ASH1L: variants seen among roughly 807,000 people sequenced by gnomAD.
ASH1L encodes the protein histone-lysine N-methyltransferase ASH1L.
Under a neutral mutation model 269.0 loss-of-function variants are expected in ASH1L, and 23 were observed. That is an observed-to-expected ratio of 0.09 (90% CI 0.06 to 0.12). ASH1L has a LOEUF of 0.12. Ranked by LOEUF, ASH1L falls within the 10% of genes least tolerant of loss-of-function variation. The probability of loss-of-function intolerance (pLI) is 1.00; values close to 1 mark genes in which losing one functional copy is unlikely to be tolerated. For synonymous variants in ASH1L, 1,187 were observed against 1,253.5 expected (o/e 0.95, Z 1.12); for missense variants, 2,912 against 3,567.8 (o/e 0.82, Z 4.68).
intron 1 of ASH1L, among the ~76,000 whole-genome samples, chr1:155,533,693 G>A (rs953672647): frequency 6.6e-6 from 1 of 150,834 alleles, no homozygotes; most frequent in African/African-American, 2.4e-5. Flanking sequence ...CATTCAGCCT[G>A]GATGACAGAG....
At chr1:155,504,752 G>T (rs995040799) in intron 2 of ASH1L, among the ~76,000 whole-genome samples, 4 of 151,704 alleles carry the variant, frequency 2.6e-5, no homozygotes, top group African/African-American at 9.7e-5. Context: ...TACTCGGGAG[G>T]CTGAGGCAGG....
Position 155,360,279 on chromosome 1 carries a change from C to T in ASH1L, c.6795+22G>A, listed in dbSNP as rs752872586. ...TTGTAAGGGATAAAGTTCAATCTCC[C>T]TCTAGGATTTATTATTCTTACCTGT... On this transcript the variant is annotated intron_variant, in intron 13 of 27. Coordinates refer to ENST00000392403, the MANE Select transcript of ASH1L (RefSeq NM_018489.3). 1.0e-5 allele frequency: 15 copies of T among 1,479,938 alleles called. No individual in the cohort carries two copies. The African/African-American group carries it at 1.1e-4, about 11-fold the overall frequency. 91.7% of individuals were successfully genotyped at this position (1,479,938 alleles called of 1,614,324 possible).
chr1:155,559,004 T>C (rs192630532), intron 1 of ASH1L, among the ~76,000 whole-genome samples: 100 of 151,036 alleles, frequency 6.6e-4, no homozygotes, highest in African/African-American at 2.2e-3. Context: ...ACACCATGCC[T>C]GGCTAATTTT....
At chr1:155,447,993 G>A (rs890880381) in intron 4 of ASH1L, among the ~76,000 whole-genome samples, 1 of 152,174 alleles carries the variant, frequency 6.6e-6, no homozygotes, top group African/African-American at 2.4e-5. Context: ...ATACTTTTGA[G>A]ATCTTAGATT....
intron 2 of ASH1L, among the ~76,000 whole-genome samples, chr1:155,486,495 A>G (rs1159907092): frequency 2.0e-5 from 3 of 152,142 alleles, no homozygotes; most frequent in South Asian, 4.1e-4. Context: ...GTGTGACTAT[A>G]GTCAATAATC....
chr1:155,498,415 TTTTG>T (rs1205125139), intron 2 of ASH1L, among the ~76,000 whole-genome samples: 1 of 151,998 alleles, frequency 6.6e-6, no homozygotes, highest in Non-Finnish European at 1.5e-5. Context: ...TTTTTTTGGT[TTTTG>T]TTTGTTCATT....
At chr1:155,361,214 T>C (rs1392925038) in intron 12 of ASH1L, among the ~76,000 whole-genome samples, 1 of 151,644 alleles carries the variant, frequency 6.6e-6, no homozygotes, top group Non-Finnish European at 1.5e-5. Flanking sequence ...AAACCCCGTC[T>C]CTACTAAAAA....
intron 10 of ASH1L, among the ~76,000 whole-genome samples, chr1:155,371,738 G>C (rs1370542146): frequency 2.0e-5 from 3 of 148,420 alleles, no homozygotes; most frequent in South Asian, 4.2e-4. Flanking sequence ...CTGTTGCCCA[G>C]GCTGGAGTAT....
intron 5 of ASH1L, among the ~76,000 whole-genome samples, chr1:155,428,510 A>G (rs539842862): frequency 9.2e-5 from 14 of 152,202 alleles, no homozygotes; most frequent in Admixed American, 9.2e-4. Flanking sequence ...ACTGGCCCCA[A>G]AACTGGCCAT....
At chr1:155,445,414 AC>A (rs1455412062) in intron 4 of ASH1L, among the ~76,000 whole-genome samples, 1 of 151,952 alleles carries the variant, frequency 6.6e-6, no homozygotes, top group Non-Finnish European at 1.5e-5. Flanking sequence ...CGAACTCCTG[AC>A]CTCAGGTGAT....
intron 2 of ASH1L, among the ~76,000 whole-genome samples, chr1:155,497,813 G>A (rs547315651): frequency 1.3e-5 from 2 of 151,146 alleles, no homozygotes; most frequent in South Asian, 2.1e-4. Context: ...GCCGTGGCAC[G>A]ATCTCGGCTC....
intron 1 of ASH1L, among the ~76,000 whole-genome samples, chr1:155,525,092 A>T (rs1307183538): frequency 1.3e-5 from 2 of 151,974 alleles, no homozygotes; most frequent in African/African-American, 4.8e-5. Context: ...TACAAAAAAT[A>T]AAAAATTAGC....
chr1:155,448,746 CG>C (rs1379588432), intron 4 of ASH1L, among the ~76,000 whole-genome samples: 1 of 151,898 alleles, frequency 6.6e-6, no homozygotes, highest in East Asian at 1.9e-4. Context: ...CTGCCCGCCT[CG>C]GCCTCCCAAA....
chr1:155,524,365 T>C (rs552865186), intron 1 of ASH1L, among the ~76,000 whole-genome samples: 6 of 150,754 alleles, frequency 4.0e-5, no homozygotes, highest in African/African-American at 9.7e-5. Context: ...TAAAAAAAAA[T>C]ACAAAAATTA....
chr1:155,448,796 A>G (rs1663233020), intron 4 of ASH1L, among the ~76,000 whole-genome samples: 1 of 148,992 alleles, frequency 6.7e-6, no homozygotes, highest in Admixed American at 6.7e-5. Flanking sequence ...CGCCCAGCCC[A>G]CTATCTTCTT....
chr1:155,414,237 T>C (rs564518212), intron 6 of ASH1L, among the ~76,000 whole-genome samples: 5 of 152,336 alleles, frequency 3.3e-5, no homozygotes, highest in African/African-American at 9.6e-5. Flanking sequence ...TGGAGTTATC[T>C]TAAACAAACC....
At chr1:155,402,552 C>G (rs1364011521) in intron 6 of ASH1L, among the ~76,000 whole-genome samples, 1 of 152,038 alleles carries the variant, frequency 6.6e-6, no homozygotes, top group Admixed American at 6.6e-5. Context: ...TGTTTTACTG[C>G]TTTGTTTTGT....
intron 1 of ASH1L, among the ~76,000 whole-genome samples, chr1:155,550,820 T>C (rs572166231): frequency 2.0e-5 from 3 of 152,334 alleles, no homozygotes; most frequent in Admixed American, 6.5e-5. Context: ...CTGGGCTTAA[T>C]ACAGTACTTG....
At chr1:155,459,746 A>G in intron 4 of ASH1L, 51 bp downstream of exon 4, 1 of 1,434,424 alleles carries the variant, frequency 7.0e-7, no homozygotes, top group Non-Finnish European at 9.8e-7. Context: ...TTATTCACAA[A>G]TAACAAATGG....
Sources: gnomAD v4.1 joint callset for allele counts (sites outside exome capture counted in the v4.1 genomes callset) on GRCh38, gnomAD v4.1.1 for gene constraint, MANE v1.5 for transcripts, NCBI Gene and HGNC (gene_info 2026-07-23, HGNC 2026-07-21) for gene names.